The following FANCL variants were observed in gnomAD, a reference collection of about 807,000 sequenced individuals.
FANCL encodes E3 ubiquitin-protein ligase FANCL.
In FANCL, 69 loss-of-function variants were observed where a neutral mutation model predicts 59.4. That is an observed-to-expected ratio of 1.16 (90% CI 0.96 to 1.42). The LOEUF (loss-of-function observed/expected upper bound fraction) is 1.42, where lower values mean the gene tolerates loss of function less well. FANCL is among the 40% of genes most tolerant of loss of function. The pLI, the probability that FANCL is intolerant of heterozygous loss-of-function variation, is 0.00. For synonymous variants in FANCL, 180 were observed against 147.1 expected (o/e 1.22, Z -1.62); for missense variants, 519 against 447.2 (o/e 1.16, Z -1.45).
chr2:58,239,170 ATG>A (rs1245822416), intron 1 of FANCL, among the ~76,000 whole-genome samples: 1 of 152,170 alleles, frequency 6.6e-6, no homozygotes, highest in Non-Finnish European at 1.5e-5. Context: ...AAACCAGAGA[ATG>A]TGTGTGAAAG....
chr2:58,168,577 G>A (rs778933999), intron 7 of FANCL, among the ~76,000 whole-genome samples: 5 of 151,774 alleles, frequency 3.3e-5, no homozygotes, highest in East Asian at 1.9e-4. Flanking sequence ...CCCCAGTGGC[G>A]CCTGCAACAC....
chr2:58,163,145 A>T, intron 9 of FANCL, 71 bp from the exon 10 acceptor site: 1 of 1,323,720 alleles, frequency 7.6e-7, no homozygotes, highest in African/African-American at 1.5e-5. Context: ...CATTTGATAC[A>T]GAATGTTTCT....
chr2:58,212,937 T>C (rs1263371982), intron 5 of FANCL, among the ~76,000 whole-genome samples: 1 of 152,216 alleles, frequency 6.6e-6, no homozygotes, highest in Non-Finnish European at 1.5e-5. Flanking sequence ...AAAGGGAAGC[T>C]TTCATCTTAT....
intron 7 of FANCL, among the ~76,000 whole-genome samples, chr2:58,175,979 C>T (rs1395648252): frequency 1.3e-5 from 2 of 152,240 alleles, no homozygotes; most frequent in South Asian, 2.1e-4. Flanking sequence ...AGCATTCTTA[C>T]ACACTAATAA....
chr2:58,216,880 G>A (rs143678263), intron 5 of FANCL, among the ~76,000 whole-genome samples: 165 of 151,586 alleles, frequency 1.1e-3, no homozygotes, highest in Middle Eastern at 3.4e-3. Context: ...GAAGAGGCTC[G>A]CTTCTCTACC....
At position 58,191,740 on chromosome 2, in the gene FANCL, A is replaced by G. The variant is rs1035648504; in HGVS notation, c.540+6854T>C. Among the ~76,000 whole-genome samples the G allele has an allele frequency of 5.9e-5, 9 of 151,934 alleles. No homozygotes were observed. In the South Asian group the frequency reaches 1.9e-3, roughly 31 times the overall value. On this transcript the variant is annotated intron_variant, in intron 7 of 13. Transcript: ENST00000233741. Reference sequence around the variant, plus strand: ...AAATATACAATATCATTACACATGGAGAGAGACTACTTCTTTGCCCATATT... The same window carrying G: ...AAATATACAATATCATTACACATGGGGAGAGACTACTTCTTTGCCCATATT...
intron 11 of FANCL, among the ~76,000 whole-genome samples, chr2:58,162,522 C>A (rs7580070): frequency 0.02 from 3,003 of 151,782 alleles, 114 homozygotes; most frequent in African/African-American, 0.069. Context: ...AAATGCAGAT[C>A]AAAAATACAG....
At chr2:58,202,933 C>G (rs149111862) in intron 6 of FANCL, among the ~76,000 whole-genome samples, 6 of 147,312 alleles carry the variant, frequency 4.1e-5, no homozygotes, top group African/African-American at 1.5e-4. Context: ...TACTAAGGTA[C>G]AAAATATAAA....
At chr2:58,199,321 T>A (rs114109135) in intron 6 of FANCL, among the ~76,000 whole-genome samples, 1 of 152,280 alleles carries the variant, frequency 6.6e-6, no homozygotes, top group African/African-American at 2.4e-5. Context: ...AATGAGTTGA[T>A]ATTTAATTTT....
chr2:58,185,290 T>C (rs1447178733), intron 7 of FANCL, among the ~76,000 whole-genome samples: 1 of 152,112 alleles, frequency 6.6e-6, no homozygotes, highest in African/African-American at 2.4e-5. Context: ...TTAATGAAAT[T>C]CTCTGCACCT....
chr2:58,224,732 T>A (rs564478686), intron 4 of FANCL, among the ~76,000 whole-genome samples: 1 of 151,782 alleles, frequency 6.6e-6, no homozygotes, highest in African/African-American at 2.4e-5. Context: ...AAGTGAAATA[T>A]AACAAGTAGA....
chr2:58,233,757 G>C (rs551290131), intron 1 of FANCL, among the ~76,000 whole-genome samples: 20 of 152,072 alleles, frequency 1.3e-4, no homozygotes, highest in African/African-American at 4.6e-4. Flanking sequence ...ATAGTAACAA[G>C]CTCTGGTAAA....
intron 2 of FANCL, among the ~76,000 whole-genome samples, chr2:58,230,994 C>T (rs1693529430): frequency 6.6e-6 from 1 of 152,164 alleles, no homozygotes; most frequent in Non-Finnish European, 1.5e-5. Flanking sequence ...CTTCTGCCAC[C>T]ACACAAAACT....
chr2:58,160,127 T>C lies in FANCL; in HGVS notation c.1073A>G (p.Glu358Gly). 6.2e-7 allele frequency: 1 copy of C among 1,612,856 alleles called. No homozygotes were observed. The highest frequency in any genetic ancestry group is 8.5e-7 in the Non-Finnish European group (1 of 1,179,056). The part of the protein sequence containing the change: ...SRQSFNIIFG[E>G]CPYCSKPITL... ...GCTTACCTTACTACAATATGGACAT[T>C]CACCAAATATGATGTTAAAACTCTG... is the stretch of plus-strand genomic sequence containing the variant. The change falls in exon 13 of 14, where the codon GAA becomes GGA. Residue 358 changes from glutamate to glycine, a missense_variant. Glu to Gly is a moderately conservative substitution (Grantham distance 98). Coordinates refer to ENST00000233741, the MANE Select transcript of FANCL (RefSeq NM_018062.4).
At chr2:58,167,105 G>A (rs1467476926) in intron 7 of FANCL, among the ~76,000 whole-genome samples, 8 of 152,156 alleles carry the variant, frequency 5.3e-5, no homozygotes, top group Non-Finnish European at 1.2e-4. Flanking sequence ...CCAGCTATTT[G>A]GGAGACAGAG....
At chr2:58,227,566 G>A (rs570434874) in intron 3 of FANCL, among the ~76,000 whole-genome samples, 2 of 152,190 alleles carry the variant, frequency 1.3e-5, no homozygotes, top group South Asian at 4.1e-4. Context: ...GCATGCTGAA[G>A]TCTATCGGTG....
At chr2:58,174,608 A>G (rs989495908) in intron 7 of FANCL, among the ~76,000 whole-genome samples, 3 of 152,242 alleles carry the variant, frequency 2.0e-5, no homozygotes, top group African/African-American at 7.2e-5. Context: ...AAGACACAAT[A>G]TACCAGAATC....
chr2:58,230,772 G>A (rs1214437650), intron 2 of FANCL, among the ~76,000 whole-genome samples: 1 of 152,074 alleles, frequency 6.6e-6, no homozygotes, highest in Non-Finnish European at 1.5e-5. Context: ...TCTCTCCCCT[G>A]CTACCAACTT....
At chr2:58,209,044 A>G (rs1690868212) in intron 5 of FANCL, among the ~76,000 whole-genome samples, 1 of 152,094 alleles carries the variant, frequency 6.6e-6, no homozygotes, top group Non-Finnish European at 1.5e-5. Flanking sequence ...GGCTCTGTAT[A>G]TTCCTTCAAA....
Sources: allele counts gnomAD v4.1 joint callset (sites outside exome capture counted in the v4.1 genomes callset), GRCh38; gene constraint gnomAD v4.1.1; transcripts MANE v1.5; gene names NCBI Gene and HGNC (gene_info 2026-07-23, HGNC 2026-07-21).